CDC42BPA: variants seen among roughly 807,000 people sequenced by gnomAD.
CDC42BPA encodes CDC42 binding protein kinase alpha, also known as serine/threonine-protein kinase MRCK alpha.
Under a neutral mutation model 223.5 loss-of-function variants are expected in CDC42BPA, and 80 were observed. The observed-to-expected ratio is 0.36, with a 90% CI of 0.30 to 0.43. The LOEUF (loss-of-function observed/expected upper bound fraction) is 0.43. Among genes scored for constraint, CDC42BPA ranks in the 20% least tolerant of loss-of-function variants. CDC42BPA has a pLI of 1.00. For missense variants in CDC42BPA, 1,743 were observed against 2,099.9 expected (o/e 0.83, Z 3.32); for synonymous variants, 694 against 718.6 (o/e 0.97, Z 0.55).
intron 3 of CDC42BPA, among the ~76,000 whole-genome samples, chr1:227,205,866 TAGTG>T (rs1672627550): frequency 6.6e-6 from 1 of 151,984 alleles, no homozygotes; most frequent in Non-Finnish European, 1.5e-5. Flanking sequence ...CTGAGCAATA[TAGTG>T]AGACCCCATC....
Position 227,275,401 on chromosome 1 carries a change from TGGAAAAGAGAAAAG to T in CDC42BPA, c.179-21260_179-21247del, listed in dbSNP as rs911595952. Among the ~76,000 whole-genome samples, 6 of 148,662 alleles carry T rather than the reference TGGAAAAGAGAAAAG, an allele frequency of 4.0e-5. No homozygotes were observed. The South Asian group carries it at 1.3e-3, about 32-fold the overall frequency. ...AAGCTAATCATAGAACTTTAAAAGA[TGGAAAAGAGAAAAG>T]TAAAAGAAAGACAATACAGATGAGA... On this transcript the variant is annotated intron_variant, in intron 1 of 36. Transcript: ENST00000366766.
chr1:227,143,442 C>T (rs777148668), intron 8 of CDC42BPA, among the ~76,000 whole-genome samples: 52 of 152,136 alleles, frequency 3.4e-4, no homozygotes, highest in Non-Finnish European at 6.5e-4. Context: ...GAGGCTCTGC[C>T]TTCTCATTTA....
intron 2 of CDC42BPA, among the ~76,000 whole-genome samples, chr1:227,247,785 A>C (rs1338960534): frequency 6.6e-6 from 1 of 151,618 alleles, no homozygotes; most frequent in Non-Finnish European, 1.5e-5. Flanking sequence ...AGGAGGCTGA[A>C]GCAGGAGAAT....
chr1:227,186,447 G>A (rs1668786884), intron 5 of CDC42BPA, among the ~76,000 whole-genome samples: 1 of 152,130 alleles, frequency 6.6e-6, no homozygotes, highest in African/African-American at 2.4e-5. Context: ...TAACCTACCA[G>A]AAGGAGGGGC....
intron 2 of CDC42BPA, among the ~76,000 whole-genome samples, chr1:227,237,507 C>T (rs1439400373): frequency 2.0e-5 from 3 of 152,196 alleles, no homozygotes; most frequent in East Asian, 1.9e-4. Flanking sequence ...TTCTGGAGAT[C>T]GCGCTACATA....
chr1:227,022,107 T>C (rs1410999767), intron 32 of CDC42BPA, among the ~76,000 whole-genome samples: 2 of 152,108 alleles, frequency 1.3e-5, no homozygotes, highest in Non-Finnish European at 2.9e-5. Context: ...TTGAAGCCAG[T>C]ATTTTTACTT....
At chr1:227,026,032 C>T (rs374864663) in intron 31 of CDC42BPA, 23 bp downstream of exon 31, 6 of 1,331,666 alleles carry the variant, frequency 4.5e-6, no homozygotes, top group Admixed American at 1.8e-5. Context: ...GTTGGCTTAG[C>T]CCACATTTTA....
chr1:227,307,183 A>G (rs1692707191), intron 1 of CDC42BPA, among the ~76,000 whole-genome samples: 1 of 152,204 alleles, frequency 6.6e-6, no homozygotes, highest in African/African-American at 2.4e-5. Flanking sequence ...GTCATGTATC[A>G]AGTCTCACTG....
intron 11 of CDC42BPA, among the ~76,000 whole-genome samples, chr1:227,126,099 C>G (rs548801624): frequency 5.7e-4 from 86 of 151,956 alleles, no homozygotes; most frequent in Non-Finnish European, 9.0e-4. Flanking sequence ...CAGCTGCCTC[C>G]TCTAAGGGGA....
chr1:227,193,131 G>C (rs1016428409), intron 5 of CDC42BPA, among the ~76,000 whole-genome samples: 1 of 148,880 alleles, frequency 6.7e-6, no homozygotes, highest in Non-Finnish European at 1.5e-5. Flanking sequence ...TGCAGTGGCG[G>C]GATCTCGGCT....
At chr1:227,118,677 G>A (rs1188355678) in intron 12 of CDC42BPA, among the ~76,000 whole-genome samples, 1 of 152,072 alleles carries the variant, frequency 6.6e-6, no homozygotes, top group Non-Finnish European at 1.5e-5. Flanking sequence ...AAATCGCTCA[G>A]AAGAGTAGAA....
rs374229545 is a variant in CDC42BPA, at chr1:227,289,628, T to C, written c.178+27377A>G. On this transcript the variant is annotated intron_variant, in intron 1 of 36. Coordinates refer to ENST00000366766, the MANE Select transcript of CDC42BPA (RefSeq NM_001394014.1). ...GAAACCCTGCCTGTCTCGTTCACTG[T>C]TGTATCTCCAGATTTTTATGTCTGT... 3.0e-4 allele frequency among the ~76,000 whole-genome samples: 46 copies of C among 152,330 alleles called. 1 individual carries two copies. In the South Asian group the frequency reaches 9.3e-3, roughly 31 times the overall value.
chr1:227,297,981 C>CACACACACAT (rs1412656758), intron 1 of CDC42BPA, among the ~76,000 whole-genome samples: 2 of 139,400 alleles, frequency 1.4e-5, no homozygotes, highest in Non-Finnish European at 3.1e-5. Context: ...CACACACACA[C>CACACACACAT]ATATATACAT....
chr1:227,268,582 A>G (rs1337433469), intron 1 of CDC42BPA, among the ~76,000 whole-genome samples: 1 of 147,008 alleles, frequency 6.8e-6, no homozygotes, highest in African/African-American at 2.5e-5. Flanking sequence ...TAGTGTATAT[A>G]TATATGTGTA....
At chr1:227,121,850 G>T (rs1420114395) in intron 11 of CDC42BPA, among the ~76,000 whole-genome samples, 7 of 149,398 alleles carry the variant, frequency 4.7e-5, no homozygotes, top group African/African-American at 1.7e-4. Flanking sequence ...ACCCAGGCTG[G>T]AGAGCTATGG....
chr1:227,048,254 TAAAAA>T (rs1672857410), intron 22 of CDC42BPA, among the ~76,000 whole-genome samples: 1 of 151,952 alleles, frequency 6.6e-6, no homozygotes, highest in Non-Finnish European at 1.5e-5. Context: ...TCTGGAAATA[TAAAAA>T]TAAATCATTT....
At chr1:227,148,798 A>C (rs944163089) in intron 6 of CDC42BPA, among the ~76,000 whole-genome samples, 1 of 141,172 alleles carries the variant, frequency 7.1e-6, no homozygotes, top group Non-Finnish European at 1.6e-5. Flanking sequence ...AAAAAAAAAA[A>C]AGCTAGATAA....
chr1:227,174,708 A>G (rs749231447), intron 5 of CDC42BPA, among the ~76,000 whole-genome samples: 16 of 152,246 alleles, frequency 1.1e-4, no homozygotes, highest in Non-Finnish European at 2.1e-4. Context: ...GAAGAAAACC[A>G]TAAATAAGTT....
chr1:227,129,181 G>A lies in CDC42BPA; in HGVS notation c.1441C>T (p.Leu481=). 19 of 1,587,226 alleles carry A rather than the reference G, an allele frequency of 1.2e-5. No homozygotes were observed. Among genetic ancestry groups the A allele is most frequent in the Non-Finnish European group, 1.6e-5 (19 of 1,158,998 alleles). The change falls in exon 11 of 37, where the codon CTA becomes TTA. Residue 481 remains leucine, a synonymous_variant. Transcript: ENST00000366766. ...ALQYSTVDGP[L]TASKDLEIKN... is the part of the protein sequence containing the mutation. ...ATTTCTAAATCTTTGCTTGCTGTTA[G>A]TGGACCATCAACAGTTGAATACTGC... is the stretch of plus-strand genomic sequence containing the variant.
Sources: gnomAD v4.1 joint callset for allele counts (sites outside exome capture counted in the v4.1 genomes callset) on GRCh38, gnomAD v4.1.1 for gene constraint, MANE v1.5 for transcripts, NCBI Gene and HGNC (gene_info 2026-07-23, HGNC 2026-07-21) for gene names.